The following ARHGAP26 variants were observed in gnomAD, a reference collection of about 807,000 sequenced individuals.
ARHGAP26 encodes the protein Rho GTPase activating protein 26, also known as rho GTPase-activating protein 26.
A neutral mutation model predicts 104.8 loss-of-function variants in ARHGAP26; 38 were observed. That is an observed-to-expected ratio of 0.36 (90% CI 0.28 to 0.48). ARHGAP26 has a LOEUF of 0.48. Ranked by LOEUF, ARHGAP26 falls within the 20% of genes least tolerant of loss-of-function variation. The probability of loss-of-function intolerance (pLI) is 0.99; values close to 1 mark genes in which losing one functional copy is unlikely to be tolerated. For synonymous variants in ARHGAP26, 341 were observed against 340.0 expected, an observed-to-expected ratio of 1.00 and a Z score of -0.03; for missense variants, 704 against 947.9, an observed-to-expected ratio of 0.74 and a Z score of 3.38.
intron 1 of ARHGAP26, among the ~76,000 whole-genome samples, chr5:142,850,202 T>C (rs1319132293): frequency 2.6e-5 from 4 of 152,216 alleles, no homozygotes; most frequent in Admixed American, 2.0e-4. Flanking sequence ...TGCAGCCCAG[T>C]GTCCTGCCTC....
intron 21 of ARHGAP26, among the ~76,000 whole-genome samples, chr5:143,211,523 T>C (rs1208592739): frequency 6.6e-6 from 1 of 151,656 alleles, no homozygotes. Context: ...CCTATCAACT[T>C]GAGAAAAAAA....
chr5:142,965,597 G>A (rs1771192663), intron 11 of ARHGAP26, among the ~76,000 whole-genome samples: 1 of 152,074 alleles, frequency 6.6e-6, no homozygotes, highest in Non-Finnish European at 1.5e-5. Context: ...TATAGAGCGA[G>A]GATTATTATA....
At chr5:143,104,884 T>C (rs1793771383) in intron 17 of ARHGAP26, among the ~76,000 whole-genome samples, 1 of 150,792 alleles carries the variant, frequency 6.6e-6, no homozygotes, top group Non-Finnish European at 1.5e-5. Flanking sequence ...ATGTGACACG[T>C]ATACCTTAAA....
intron 10 of ARHGAP26, among the ~76,000 whole-genome samples, chr5:142,918,267 C>T (rs1397889735): frequency 6.6e-6 from 1 of 152,124 alleles, no homozygotes; most frequent in African/African-American, 2.4e-5. Flanking sequence ...CTACCTCATC[C>T]TCCTGAGTAG....
chr5:142,955,337 A>G (rs1429804457), intron 11 of ARHGAP26, among the ~76,000 whole-genome samples: 1 of 152,190 alleles, frequency 6.6e-6, no homozygotes, highest in Non-Finnish European at 1.5e-5. Context: ...CACAAAACAA[A>G]ACAAAGAAGA....
intron 12 of ARHGAP26, among the ~76,000 whole-genome samples, chr5:143,021,102 T>C (rs1780281855): frequency 1.3e-5 from 2 of 152,312 alleles, no homozygotes; most frequent in Admixed American, 6.5e-5. Flanking sequence ...TACAGCAAAA[T>C]GATTTTGAAA....
intron 14 of ARHGAP26, among the ~76,000 whole-genome samples, chr5:143,045,894 G>T (rs1352321199): frequency 6.6e-6 from 1 of 152,138 alleles, no homozygotes; most frequent in African/African-American, 2.4e-5. Flanking sequence ...AGCACTTTGG[G>T]AGGTCAAGGT....
At chr5:143,023,892 T>C (rs1780675733) in intron 12 of ARHGAP26, among the ~76,000 whole-genome samples, 1 of 152,206 alleles carries the variant, frequency 6.6e-6, no homozygotes, top group Non-Finnish European at 1.5e-5. Context: ...ACACCCTTTT[T>C]CTTTCCCCTT....
chr5:142,922,674 C>G (rs750528092), intron 10 of ARHGAP26, among the ~76,000 whole-genome samples: 1 of 152,120 alleles, frequency 6.6e-6, no homozygotes, highest in Non-Finnish European at 1.5e-5. Context: ...TTAGGAATGG[C>G]TTATTTAGGA....
At chr5:142,792,902 GT>G (rs1356754119) in intron 1 of ARHGAP26, among the ~76,000 whole-genome samples, 1 of 152,190 alleles carries the variant, frequency 6.6e-6, no homozygotes, top group Non-Finnish European at 1.5e-5. Context: ...CTATCAAACT[GT>G]TTTTGAAAGC....
At chr5:143,185,132 A>G (rs1488686469) in intron 20 of ARHGAP26, among the ~76,000 whole-genome samples, 1 of 152,246 alleles carries the variant, frequency 6.6e-6, no homozygotes, top group African/African-American at 2.4e-5. Context: ...ATAACTGTTT[A>G]TTAATATGGG....
chr5:143,169,367 G>A (rs1284605083), intron 20 of ARHGAP26: 1 of 152,172 alleles, frequency 6.6e-6, no homozygotes, highest in Non-Finnish European at 1.5e-5. Flanking sequence ...GCATGGCTGG[G>A]TCCAGGGGCA....
intron 1 of ARHGAP26, among the ~76,000 whole-genome samples, chr5:142,870,754 C>T (rs1168046653): frequency 2.0e-5 from 3 of 152,118 alleles, no homozygotes; most frequent in African/African-American, 7.2e-5. Context: ...TATGACTAAC[C>T]CAGGGTTGGT....
intron 8 of ARHGAP26, among the ~76,000 whole-genome samples, chr5:142,904,391 G>A (rs973866187): frequency 3.3e-5 from 5 of 152,096 alleles, no homozygotes; most frequent in African/African-American, 1.2e-4. Flanking sequence ...TTGGGAGGCT[G>A]AGGTGGGAGG....
chr5:142,947,785 A>C (rs1030253434), intron 11 of ARHGAP26, among the ~76,000 whole-genome samples: 6 of 152,182 alleles, frequency 3.9e-5, no homozygotes, highest in African/African-American at 1.4e-4. Context: ...CTTGTTCTTC[A>C]CTATAATCCC....
intron 12 of ARHGAP26, among the ~76,000 whole-genome samples, chr5:143,020,312 T>C (rs781580570): frequency 1.6e-4 from 24 of 152,168 alleles, no homozygotes; most frequent in Non-Finnish European, 2.8e-4. Context: ...AGGACACTCA[T>C]AACTAGAACA....
chr5:143,006,315 T>C (rs1777945467), intron 11 of ARHGAP26, among the ~76,000 whole-genome samples: 1 of 107,654 alleles, frequency 9.3e-6, no homozygotes, highest in Non-Finnish European at 1.8e-5. Flanking sequence ...TAGTGTTTTT[T>C]CTTTTTTTTT....
intron 5 of ARHGAP26, among the ~76,000 whole-genome samples, chr5:142,890,149 AAAATATATATATAT>A (rs1449006314): frequency 1.0e-4 from 7 of 66,714 alleles, no homozygotes; most frequent in Admixed American, 1.6e-4. Flanking sequence ...AAAAAAAAAA[AAAATATATATATAT>A]ATATATATAT....
chr5:143,030,771 C>G (rs1228547047), intron 12 of ARHGAP26, among the ~76,000 whole-genome samples: 1 of 152,216 alleles, frequency 6.6e-6, no homozygotes, highest in East Asian at 1.9e-4. Context: ...AAAAATGACA[C>G]GTGCATGCAC....
Sources: gnomAD v4.1 joint callset for allele counts (sites outside exome capture counted in the v4.1 genomes callset) on GRCh38, gnomAD v4.1.1 for gene constraint, MANE v1.5 for transcripts, NCBI Gene and HGNC (gene_info 2026-07-23, HGNC 2026-07-21) for gene names.